Variants in QTMAN observed in about 807,000 individuals in gnomAD.
QTMAN encodes the protein queuosine-tRNA mannosyltransferase.
At chr2:144,205,592 G>A in the QTMAN span, among the ~76,000 whole-genome samples, 4 of 152,132 alleles carry the variant, frequency 2.6e-5, no homozygotes, top group African/African-American at 4.8e-5. Context: ...CAAGGAAGAA[G>A]GGCCGTTAAG....
chr2:144,292,610 C>CT, the QTMAN span, among the ~76,000 whole-genome samples: 1 of 152,056 alleles, frequency 6.6e-6, no homozygotes, highest in Non-Finnish European at 1.5e-5. Flanking sequence ...ACTTAGAATT[C>CT]TAAGATTAAT....
the QTMAN span, among the ~76,000 whole-genome samples, chr2:144,280,974 C>CGTATT: frequency 6.6e-6 from 1 of 151,230 alleles, no homozygotes; most frequent in Admixed American, 6.6e-5. Flanking sequence ...TTGTTACATA[C>CGTATT]GTATACATGT....
At chr2:144,251,339 T>C in the QTMAN span, among the ~76,000 whole-genome samples, 1 of 152,064 alleles carries the variant, frequency 6.6e-6, no homozygotes, top group Admixed American at 6.6e-5. Context: ...AATAGATCAA[T>C]GGAACAGAAG....
At chr2:144,220,480 C>T in the QTMAN span, among the ~76,000 whole-genome samples, 5 of 152,142 alleles carry the variant, frequency 3.3e-5, no homozygotes, top group Admixed American at 1.3e-4. Context: ...TCTTTATCAA[C>T]TGGTTTTTCA....
the QTMAN span, among the ~76,000 whole-genome samples, chr2:144,285,223 A>G: frequency 1.3e-5 from 2 of 152,182 alleles, no homozygotes; most frequent in Non-Finnish European, 2.9e-5. Context: ...TCTCTACTCT[A>G]AATCCTTCCA....
At chr2:144,271,294 C>T in the QTMAN span, among the ~76,000 whole-genome samples, 3 of 152,142 alleles carry the variant, frequency 2.0e-5, no homozygotes, top group African/African-American at 7.2e-5. Context: ...TTGAAAAGCA[C>T]TTGAAGTGTG....
At chr2:144,116,225 T>C in the QTMAN span, among the ~76,000 whole-genome samples, 1 of 138,994 alleles carries the variant, frequency 7.2e-6, no homozygotes, top group South Asian at 2.2e-4. Flanking sequence ...TAGTCAACCT[T>C]AACCCAGCAA....
chr2:144,214,528 G>A, the QTMAN span, among the ~76,000 whole-genome samples: 1 of 152,162 alleles, frequency 6.6e-6, no homozygotes, highest in African/African-American at 2.4e-5. Context: ...ATTTGGTTAG[G>A]AGACATACAG....
chr2:144,105,695 G>T, the QTMAN span, among the ~76,000 whole-genome samples: 1 of 152,218 alleles, frequency 6.6e-6, no homozygotes, highest in Non-Finnish European at 1.5e-5. Context: ...ATATTATCCA[G>T]GAGAACTTCC....
chr2:144,248,896 CT>C, the QTMAN span, among the ~76,000 whole-genome samples: 1 of 152,114 alleles, frequency 6.6e-6, no homozygotes, highest in Non-Finnish European at 1.5e-5. Flanking sequence ...ACATTTTGTC[CT>C]TTGTCTGAAG....
chr2:143,993,706 G>A, the QTMAN span, among the ~76,000 whole-genome samples: 1 of 152,078 alleles, frequency 6.6e-6, no homozygotes, highest in Non-Finnish European at 1.5e-5. Context: ...CTGACTTCTG[G>A]CCTCCAGAAC....
the QTMAN span, among the ~76,000 whole-genome samples, chr2:144,146,869 T>G: frequency 6.6e-6 from 1 of 151,882 alleles, no homozygotes; most frequent in Non-Finnish European, 1.5e-5. Context: ...AGGATCACAC[T>G]GGTAGAAAGT....
At chr2:143,972,937 T>C in the QTMAN span, among the ~76,000 whole-genome samples, 2 of 152,212 alleles carry the variant, frequency 1.3e-5, no homozygotes, top group African/African-American at 4.8e-5. Flanking sequence ...TGGATGGTTT[T>C]AGCAATCATT....
the QTMAN span, among the ~76,000 whole-genome samples, chr2:144,110,259 G>A: frequency 6.6e-6 from 1 of 152,140 alleles, no homozygotes; most frequent in Non-Finnish European, 1.5e-5. Context: ...GATGAAGCTG[G>A]AAACCATCAT....
the QTMAN span, among the ~76,000 whole-genome samples, chr2:144,134,599 T>C: frequency 6.6e-6 from 1 of 152,056 alleles, no homozygotes; most frequent in Non-Finnish European, 1.5e-5. Context: ...GACAATCCAA[T>C]GTGGTGGGAA....
chr2:144,133,134 TA>T, the QTMAN span, among the ~76,000 whole-genome samples: 1 of 47,992 alleles, frequency 2.1e-5, no homozygotes, highest in East Asian at 5.8e-4. Flanking sequence ...TATATATATA[TA>T]TATATATATA....
the QTMAN span, among the ~76,000 whole-genome samples, chr2:144,250,635 T>C: frequency 2.0e-5 from 3 of 151,830 alleles, no homozygotes; most frequent in African/African-American, 7.3e-5. Flanking sequence ...AGTATTACTT[T>C]ACACTTACCA....
At chr2:144,167,364 G>C in the QTMAN span, among the ~76,000 whole-genome samples, 1 of 152,078 alleles carries the variant, frequency 6.6e-6, no homozygotes, top group South Asian at 2.1e-4. Context: ...TCTATTTCCA[G>C]TGGCCAACCA....
chr2:144,189,019 A>G, the QTMAN span, among the ~76,000 whole-genome samples: 20 of 152,246 alleles, frequency 1.3e-4, no homozygotes, highest in Non-Finnish European at 2.6e-4. Flanking sequence ...TATACTTACA[A>G]TCTACAACTG....
Sources: allele counts gnomAD v4.1 joint callset (sites outside exome capture counted in the v4.1 genomes callset), GRCh38; gene constraint gnomAD v4.1.1; transcripts MANE v1.5; gene names NCBI Gene and HGNC (gene_info 2026-07-23, HGNC 2026-07-21).